Variants in SRBD1 observed in about 807,000 individuals in gnomAD.
The protein encoded by SRBD1 is S1 RNA-binding domain-containing protein 1.
In SRBD1, 88 loss-of-function variants were observed where a neutral mutation model predicts 115.3. The observed-to-expected ratio is 0.76, with a 90% CI of 0.64 to 0.91. SRBD1 has a LOEUF of 0.91. Among genes scored for constraint, SRBD1 ranks in the 40% least tolerant of loss-of-function variants. The pLI, the probability that SRBD1 is intolerant of heterozygous loss-of-function variation, is 0.00. For synonymous variants in SRBD1, 509 were observed against 407.7 expected, an observed-to-expected ratio of 1.25 and a Z score of -2.99; for missense variants, 1,385 against 1,177.4, an observed-to-expected ratio of 1.18 and a Z score of -2.58.
chr2:45,425,531 G>A (rs2103654203), intron 16 of SRBD1, among the ~76,000 whole-genome samples: 1 of 152,186 alleles, frequency 6.6e-6, no homozygotes, highest in African/African-American at 2.4e-5. Flanking sequence ...CTGGCAAGAT[G>A]GCCGAATAGG....
At chr2:45,518,723 A>G (rs1412047138) in intron 14 of SRBD1, among the ~76,000 whole-genome samples, 1 of 152,234 alleles carries the variant, frequency 6.6e-6, no homozygotes, top group African/African-American at 2.4e-5. Flanking sequence ...ATCATAAAAT[A>G]ACAACCTATA....
At chr2:45,392,106 T>C (rs1055648640) in intron 20 of SRBD1, among the ~76,000 whole-genome samples, 11 of 152,176 alleles carry the variant, frequency 7.2e-5, no homozygotes, top group Non-Finnish European at 1.2e-4. Context: ...TGGGTGTCAT[T>C]TTATTTTTCT....
rs750430220 is a variant in SRBD1 at position 45,551,245 on chromosome 2, T to C, written c.1555A>G (p.Met519Val). The stretch of plus-strand genomic sequence containing the variant: ...TGACGAAGGTTCCGTCCAAACATCA[T>C]TACTGATTCCTTCTCTGCATCTGAT... ...LTSDAEKESVMMFGRNLRQLL... is the reference protein window; with the variant it reads ...LTSDAEKESVVMFGRNLRQLL... The change falls in exon 12 of 21, where the codon ATG becomes GTG. Residue 519 changes from methionine to valine, a missense_variant. Coordinates refer to ENST00000263736, the MANE Select transcript of SRBD1 (RefSeq NM_018079.5). The C allele has an allele frequency of 6.8e-6, 11 of 1,609,212 alleles. No individual in the cohort carries two copies. The highest frequency in any genetic ancestry group is 1.3e-5 in the African/African-American group (1 of 74,730).
intron 14 of SRBD1, among the ~76,000 whole-genome samples, chr2:45,510,097 T>C (rs557524978): frequency 6.6e-6 from 1 of 152,316 alleles, no homozygotes; most frequent in East Asian, 1.9e-4. Flanking sequence ...CCCCAAATAC[T>C]TGGAGAAACA....
At chr2:45,437,202 A>G (rs1164946863) in intron 16 of SRBD1, among the ~76,000 whole-genome samples, 1 of 152,116 alleles carries the variant, frequency 6.6e-6, no homozygotes, top group African/African-American at 2.4e-5. Flanking sequence ...ATTCAACACA[A>G]TCCCAATTAA....
At chr2:45,583,215 A>C (rs898943937) in intron 5 of SRBD1, among the ~76,000 whole-genome samples, 6 of 79,202 alleles carry the variant, frequency 7.6e-5, no homozygotes, top group African/African-American at 6.1e-4. Context: ...TTGTAAATTA[A>C]AAAAAAAAAA....
intron 4 of SRBD1, among the ~76,000 whole-genome samples, chr2:45,587,196 T>C (rs986433021): frequency 6.9e-6 from 1 of 145,784 alleles, no homozygotes; most frequent in Non-Finnish European, 1.5e-5. Flanking sequence ...AATTTTTAAA[T>C]ATTTAATTAT....
At chr2:45,534,197 T>C (rs1572744188) in intron 14 of SRBD1, among the ~76,000 whole-genome samples, 1 of 151,906 alleles carries the variant, frequency 6.6e-6, no homozygotes, top group Non-Finnish European at 1.5e-5. Flanking sequence ...AAATTATTCA[T>C]TCCTTATGTC....
chr2:45,575,637 G>C (rs1673152277), intron 7 of SRBD1, among the ~76,000 whole-genome samples: 2 of 152,186 alleles, frequency 1.3e-5, no homozygotes, highest in Admixed American at 1.3e-4. Context: ...GGTTGTGTTA[G>C]GATAGCTATG....
intron 16 of SRBD1, among the ~76,000 whole-genome samples, chr2:45,464,296 G>A (rs1207461895): frequency 6.6e-6 from 1 of 152,142 alleles, no homozygotes; most frequent in Non-Finnish European, 1.5e-5. Context: ...AACTCCCACA[G>A]AAAGATCCAA....
At chr2:45,516,903 G>C (rs998064668) in intron 14 of SRBD1, among the ~76,000 whole-genome samples, 1 of 152,070 alleles carries the variant, frequency 6.6e-6, no homozygotes, top group Non-Finnish European at 1.5e-5. Context: ...AGTACCATAT[G>C]CTAGGCACAC....
chr2:45,556,366 G>A (rs188264989), intron 10 of SRBD1, among the ~76,000 whole-genome samples: 10 of 149,436 alleles, frequency 6.7e-5, no homozygotes, highest in Non-Finnish European at 1.3e-4. Context: ...AAGATATGAA[G>A]AGCTCAAAAG....
At chr2:45,534,943 G>C (rs989573346) in intron 14 of SRBD1, among the ~76,000 whole-genome samples, 1 of 151,778 alleles carries the variant, frequency 6.6e-6, no homozygotes, top group Non-Finnish European at 1.5e-5. Context: ...AGAAACCCGA[G>C]AAATCATCCA....
rs115415727 is a variant in SRBD1, at chr2:45,391,022, G to A, written c.2699-1423C>T. On this transcript the variant is annotated intron_variant, in intron 20 of 20. Transcript: ENST00000263736. ...CACTGATCAGGGGCAGAGGTAGGACGGGTCTCCGAGACCCCATAGGCATTG... is the reference window on the plus strand; with the variant it reads ...CACTGATCAGGGGCAGAGGTAGGACAGGTCTCCGAGACCCCATAGGCATTG... 9.2e-3 allele frequency among the ~76,000 whole-genome samples: 1,395 copies of A among 152,214 alleles called. 21 individuals carry two copies. The highest frequency in any genetic ancestry group is 0.031 in the African/African-American group (1,308 of 41,532).
chr2:45,553,822 G>C, intron 10 of SRBD1, 92 bp from the exon 11 acceptor site: 1 of 733,408 alleles, frequency 1.4e-6, no homozygotes, highest in Non-Finnish European at 2.1e-6. Flanking sequence ...GAATACAGAA[G>C]CGGGGAAAAC....
At chr2:45,409,776 A>G (rs1667544599) in intron 19 of SRBD1, among the ~76,000 whole-genome samples, 1 of 152,176 alleles carries the variant, frequency 6.6e-6, no homozygotes, top group African/African-American at 2.4e-5. Flanking sequence ...ATAGTGTTGA[A>G]AAACATATAA....
intron 14 of SRBD1, among the ~76,000 whole-genome samples, chr2:45,535,947 A>C (rs1159910073): frequency 2.0e-5 from 3 of 152,058 alleles, no homozygotes; most frequent in Non-Finnish European, 2.9e-5. Flanking sequence ...TTTTTAACAG[A>C]TCAGTAACTT....
intron 4 of SRBD1, among the ~76,000 whole-genome samples, chr2:45,591,283 T>C (rs781687791): frequency 6.6e-6 from 1 of 152,184 alleles, no homozygotes; most frequent in South Asian, 2.1e-4. Context: ...ACCCAGGAAC[T>C]GACTCAGCAG....
chr2:45,493,623 T>C (rs1167133408), intron 14 of SRBD1, among the ~76,000 whole-genome samples: 9 of 151,780 alleles, frequency 5.9e-5, no homozygotes, highest in Non-Finnish European at 1.3e-4. Flanking sequence ...CCAGCCTGAC[T>C]AACATGGTGA....
Sources: gnomAD v4.1 joint callset for allele counts (sites outside exome capture counted in the v4.1 genomes callset) on GRCh38, gnomAD v4.1.1 for gene constraint, MANE v1.5 for transcripts, NCBI Gene and HGNC (gene_info 2026-07-23, HGNC 2026-07-21) for gene names.